Variants in PSMB7 observed in about 807,000 individuals in gnomAD.
PSMB7 encodes proteasome subunit beta type-7.
Under a neutral mutation model 28.1 loss-of-function variants are expected in PSMB7, and 5 were observed. The ratio of observed to expected loss-of-function variants is 0.18; its 90% confidence interval spans 0.09 to 0.37. The LOEUF is 0.37. Ranked by LOEUF, PSMB7 falls within the 10% of genes least tolerant of loss-of-function variation. The pLI is 1.00. For synonymous variants in PSMB7, 122 were observed against 123.7 expected (o/e 0.99, Z 0.09); for missense variants, 275 against 346.2 (o/e 0.79, Z 1.63).
At chr9:124,401,870 T>A (rs1830911777) in intron 5 of PSMB7, among the ~76,000 whole-genome samples, 2 of 151,916 alleles carry the variant, frequency 1.3e-5, no homozygotes, top group South Asian at 4.2e-4. Flanking sequence ...AATACAAAAA[T>A]TAGCTGAGCA....
intron 6 of PSMB7, among the ~76,000 whole-genome samples, chr9:124,363,853 T>C (rs1263131367): frequency 2.6e-5 from 4 of 152,158 alleles, no homozygotes; most frequent in African/African-American, 9.7e-5. Context: ...CACTGAGTGA[T>C]GCCTGTCAGA....
intron 6 of PSMB7, among the ~76,000 whole-genome samples, chr9:124,364,321 A>G (rs1403563619): frequency 6.6e-6 from 1 of 152,134 alleles, no homozygotes; most frequent in Non-Finnish European, 1.5e-5. Flanking sequence ...CTATCCCACC[A>G]TTAGGAAAAT....
intron 6 of PSMB7, among the ~76,000 whole-genome samples, chr9:124,372,729 C>A (rs957743461): frequency 2.6e-5 from 4 of 152,186 alleles, no homozygotes; most frequent in Admixed American, 2.6e-4. Context: ...TGAGGACCAG[C>A]CACCACCATT....
intron 6 of PSMB7, among the ~76,000 whole-genome samples, chr9:124,360,569 C>A (rs1307071688): frequency 2.0e-5 from 3 of 152,260 alleles, no homozygotes; most frequent in Admixed American, 2.0e-4. Context: ...TGGCGATGGG[C>A]GAGTAGGCCT....
intron 5 of PSMB7, among the ~76,000 whole-genome samples, chr9:124,396,273 A>G (rs1181049028): frequency 6.6e-6 from 1 of 152,138 alleles, no homozygotes; most frequent in East Asian, 1.9e-4. Context: ...ACTTGAGTAT[A>G]AAAATACAGA....
chr9:124,370,669 T>G (rs1179129678), intron 6 of PSMB7, among the ~76,000 whole-genome samples: 1 of 152,202 alleles, frequency 6.6e-6, no homozygotes, highest in Non-Finnish European at 1.5e-5. Flanking sequence ...AGTAGCAATT[T>G]AAAACCTTCC....
chr9:124,355,875 C>T (rs1050300477), intron 7 of PSMB7, among the ~76,000 whole-genome samples: 3 of 152,186 alleles, frequency 2.0e-5, no homozygotes, highest in Admixed American at 6.5e-5. Flanking sequence ...TGGTTCTGAA[C>T]GTTCCATTCC....
rs147615054 is a variant in PSMB7, at chr9:124,377,870, T to C, written c.570+6728A>G. ...AGAGAAAGGACCATCACAGTTGGCA[T>C]TGACTAAGCATGTGCTACTTAAAAC... On this transcript the variant is annotated intron_variant, in intron 6 of 7. Coordinates refer to ENST00000259457, the MANE Select transcript of PSMB7 (RefSeq NM_002799.4). Among the ~76,000 whole-genome samples, 187 of 152,330 alleles carry C rather than the reference T, an allele frequency of 1.2e-3. 1 individual carries two copies. Among genetic ancestry groups the C allele is most frequent in the African/African-American group, 4.2e-3 (173 of 41,572 alleles).
intron 6 of PSMB7, among the ~76,000 whole-genome samples, chr9:124,369,070 G>A (rs1830536536): frequency 6.6e-6 from 1 of 152,204 alleles, no homozygotes; most frequent in Non-Finnish European, 1.5e-5. Flanking sequence ...CCAAGGTTCT[G>A]ATTCTAGAAA....
At chr9:124,364,593 C>T (rs1330776788) in intron 6 of PSMB7, among the ~76,000 whole-genome samples, 4 of 150,138 alleles carry the variant, frequency 2.7e-5, no homozygotes, top group African/African-American at 4.9e-5. Context: ...ATCCTCAAAA[C>T]GAAAACCAGG....
Position 124,356,851 on chromosome 9 carries a change from G to C in PSMB7, c.635C>G (p.Ser212Cys). 6.2e-7 allele frequency: 1 copy of C among 1,614,156 alleles called. No homozygotes were observed. The highest frequency in any genetic ancestry group is 8.5e-7 in the Non-Finnish European group (1 of 1,180,038). ...IAAGIFNDLG[S>C]GSNIDLCVIS... Reference sequence around the variant, plus strand: ...GACGCAGAGGTCAATGTTGCTTCCGGAGCCCAGGTCGTTGAAGATGCCAGC... The same window carrying C: ...GACGCAGAGGTCAATGTTGCTTCCGCAGCCCAGGTCGTTGAAGATGCCAGC... The change falls in exon 7 of 8, where the codon TCC becomes TGC. Residue 212 changes from serine (S) to cysteine (C), a missense_variant. Transcript: ENST00000259457. The surrounding 1 kb of genome is among the most constrained non-coding windows in gnomAD (Gnocchi z 4.4).
chr9:124,384,699 C>T (rs1830702385), intron 5 of PSMB7, 43 bp from the exon 6 acceptor site: 1 of 1,588,830 alleles, frequency 6.3e-7, no homozygotes, highest in African/African-American at 1.4e-5. Flanking sequence ...TATGATATCC[C>T]AGCTTATCCA....
intron 2 of PSMB7, among the ~76,000 whole-genome samples, chr9:124,414,428 G>A (rs1831064499): frequency 6.6e-6 from 1 of 152,128 alleles, no homozygotes; most frequent in Admixed American, 6.5e-5. Flanking sequence ...ATTTAAGGCA[G>A]GAGTTATCTC....
rs35168987 is a variant in PSMB7 at position 124,403,886 on chromosome 9, A to ATT, written c.511+1429_511+1430dup. On this transcript the variant is annotated intron_variant, in intron 5 of 7. Coordinates refer to ENST00000259457, the MANE Select transcript of PSMB7 (RefSeq NM_002799.4). ...CCTTCTTCATAAGACCTGTCCTGAC[A>ATT]TTTTTTTTTTTTTTTTTTTTAAACA... 1.4e-4 allele frequency among the ~76,000 whole-genome samples: 19 copies of ATT among 138,236 alleles called. No individual in the cohort carries two copies. The South Asian group carries it at 2.6e-3, about 19-fold the overall frequency. 90.7% of individuals were successfully genotyped at this position (138,236 alleles called of 152,430 possible).
chr9:124,385,046 G>A (rs1296513686), intron 5 of PSMB7, among the ~76,000 whole-genome samples: 1 of 152,222 alleles, frequency 6.6e-6, no homozygotes, highest in African/African-American at 2.4e-5. Context: ...GCAGGCTGCT[G>A]GGTATAGCGC....
Position 124,384,656 on chromosome 9 carries a change from C to T in PSMB7, c.512G>A (p.Gly171Asp). 6.2e-7 allele frequency: 1 copy of T among 1,613,310 alleles called. No individual in the cohort carries two copies. Among genetic ancestry groups the T allele is most frequent in the Non-Finnish European group, 8.5e-7 (1 of 1,179,666 alleles). The change falls in exon 6 of 8, where the codon GGT becomes GAT. Residue 171 changes from glycine (G) to aspartate (D), a missense_variant and splice_region_variant. By Grantham distance (94) the Gly-to-Asp change is moderately conservative. Around this residue, in one of 2 missense-constraint regions of PSMB7, gnomAD observed 213 missense variants for 302.4 expected, o/e 0.70. Coordinates refer to ENST00000259457, the MANE Select transcript of PSMB7 (RefSeq NM_002799.4). ...AGCCATTGCTGCCAAGGAGCCAGAA[C>T]CTGCAAGAAAAAGGTGCACTTTTAG... ...STDKLPYVTM[G>D]SGSLAAMAVF...
At chr9:124,386,863 T>A (rs1335239216) in intron 5 of PSMB7, among the ~76,000 whole-genome samples, 1 of 152,126 alleles carries the variant, frequency 6.6e-6, no homozygotes, top group Non-Finnish European at 1.5e-5. Flanking sequence ...CTATTCTTTT[T>A]CCTAGGCACA....
At chr9:124,403,459 G>A (rs900968681) in intron 5 of PSMB7, among the ~76,000 whole-genome samples, 7 of 152,156 alleles carry the variant, frequency 4.6e-5, no homozygotes, top group Admixed American at 2.6e-4. Context: ...CGGGGAAGTC[G>A]AGGTGGCAGT....
At chr9:124,382,967 A>G (rs1294340591) in intron 6 of PSMB7, among the ~76,000 whole-genome samples, 3 of 152,220 alleles carry the variant, frequency 2.0e-5, no homozygotes, top group Non-Finnish European at 4.4e-5. Context: ...GAAGATTTGA[A>G]AAGATTAATG....
Sources: allele counts gnomAD v4.1 joint callset (sites outside exome capture counted in the v4.1 genomes callset), GRCh38; gene constraint gnomAD v4.1.1; regional missense constraint gnomAD v4.1.1; non-coding constraint Gnocchi (gnomAD v3.1); transcripts MANE v1.5; gene names NCBI Gene and HGNC (gene_info 2026-07-23, HGNC 2026-07-21).